PARVB: variants seen among roughly 807,000 people sequenced by gnomAD.
The protein encoded by PARVB is beta-parvin.
Under a neutral mutation model 47.0 loss-of-function variants are expected in PARVB, and 46 were observed. The observed-to-expected ratio is 0.98, with a 90% CI of 0.77 to 1.25. The LOEUF is 1.25. Ranked by LOEUF, PARVB falls within the 50% of genes most tolerant of loss-of-function variation. PARVB has a pLI of 0.00. For synonymous variants in PARVB, 196 were observed against 196.3 expected, an observed-to-expected ratio of 1.00 and a Z score of 0.01; for missense variants, 473 against 471.6, an observed-to-expected ratio of 1.00 and a Z score of -0.03.
At chr22:44,099,642 C>T (rs1283879257) in intron 2 of PARVB, among the ~76,000 whole-genome samples, 2 of 152,082 alleles carry the variant, frequency 1.3e-5, no homozygotes, top group Non-Finnish European at 2.9e-5. Context: ...TTCATTATAA[C>T]CATCCAGACT....
chr22:44,056,197 G>A (rs531286469), intron 1 of PARVB, among the ~76,000 whole-genome samples: 2 of 152,366 alleles, frequency 1.3e-5, no homozygotes, highest in African/African-American at 4.8e-5. Flanking sequence ...TTGGGGCACA[G>A]CCCCATTTAC....
At chr22:44,033,282 TC>T (rs569602466) in intron 1 of PARVB, among the ~76,000 whole-genome samples, 1 of 152,152 alleles carries the variant, frequency 6.6e-6, no homozygotes, top group Non-Finnish European at 1.5e-5. Context: ...CCTCAACTGA[TC>T]CGCCCACCTC....
At chr22:44,158,414 G>T (rs893324854) in intron 11 of PARVB, among the ~76,000 whole-genome samples, 1 of 152,160 alleles carries the variant, frequency 6.6e-6, no homozygotes, top group African/African-American at 2.4e-5. Context: ...GGTTTTCCCT[G>T]CTGCTTCCCA....
intron 12 of PARVB, among the ~76,000 whole-genome samples, chr22:44,164,370 A>G (rs2054118741): frequency 6.6e-6 from 1 of 151,752 alleles, no homozygotes; most frequent in African/African-American, 2.4e-5. Flanking sequence ...AGCTGGAGGC[A>G]GGAGGCCAGC....
intron 10 of PARVB, among the ~76,000 whole-genome samples, chr22:44,154,870 T>G (rs1047414898): frequency 1.3e-5 from 2 of 148,524 alleles, no homozygotes; most frequent in African/African-American, 5.0e-5. Flanking sequence ...GGTGGGGGTG[T>G]GTGTGTGTGG....
At chr22:44,042,526 C>T (rs531470179) in intron 1 of PARVB, among the ~76,000 whole-genome samples, 10 of 152,328 alleles carry the variant, frequency 6.6e-5, no homozygotes, top group African/African-American at 1.9e-4. Context: ...CGAGAAGACA[C>T]GCCACCCTGG....
At chr22:44,129,727 G>A (rs2053268959) in intron 4 of PARVB, among the ~76,000 whole-genome samples, 1 of 152,216 alleles carries the variant, frequency 6.6e-6, no homozygotes, top group Non-Finnish European at 1.5e-5. Context: ...GAATAAGCGG[G>A]AATCGTTTCC....
At chr22:44,122,063 TATAA>T (rs1251617654) in intron 4 of PARVB, among the ~76,000 whole-genome samples, 1 of 152,276 alleles carries the variant, frequency 6.6e-6, no homozygotes, top group Non-Finnish European at 1.5e-5. Flanking sequence ...CCATTTAATG[TATAA>T]ATAAATTAAT....
At chr22:44,168,454 C>A in intron 12 of PARVB, 148 bp from the exon 13 acceptor site, 2 of 642,650 alleles carry the variant, frequency 3.1e-6, no homozygotes, top group Non-Finnish European at 5.7e-6. Context: ...CCAGAGCGTC[C>A]TGGACATGGT....
intron 4 of PARVB, among the ~76,000 whole-genome samples, chr22:44,127,671 A>C (rs918108791): frequency 4.6e-5 from 7 of 152,216 alleles, no homozygotes; most frequent in African/African-American, 1.7e-4. Flanking sequence ...TGCATTCAGG[A>C]AGGGTAAAGG....
chr22:44,122,488 A>AGAGAGAG (rs2053069849), intron 4 of PARVB, among the ~76,000 whole-genome samples: 8 of 76,674 alleles, frequency 1.0e-4, no homozygotes, highest in African/African-American at 3.0e-4. Context: ...CCTGTCGATC[A>AGAGAGAG]AGAGAGAGAG....
chr22:44,099,469 G>A (rs1370196232), intron 2 of PARVB, among the ~76,000 whole-genome samples: 1 of 151,986 alleles, frequency 6.6e-6, no homozygotes, highest in East Asian at 1.9e-4. Context: ...CAAACAGGTA[G>A]AGAAATAGAA....
At chr22:44,154,479 G>T (rs1176566861) in intron 10 of PARVB, among the ~76,000 whole-genome samples, 3 of 151,906 alleles carry the variant, frequency 2.0e-5, no homozygotes, top group Non-Finnish European at 4.4e-5. Context: ...TGGTATGTGT[G>T]GTTTATGCAG....
At chr22:44,165,448 G>A (rs550476285) in intron 12 of PARVB, among the ~76,000 whole-genome samples, 13 of 152,304 alleles carry the variant, frequency 8.5e-5, no homozygotes, top group South Asian at 4.1e-4. Flanking sequence ...TGTAGATACC[G>A]GCCCGGCCTG....
intron 1 of PARVB, among the ~76,000 whole-genome samples, chr22:44,085,603 C>T (rs1038334882): frequency 2.0e-5 from 3 of 152,182 alleles, no homozygotes; most frequent in African/African-American, 7.2e-5. Flanking sequence ...TGCAGCTGGC[C>T]CAACCTGCTT....
In PARVB at chr22:44,136,484, A is replaced by G. The variant is rs779357780; in HGVS notation, c.658A>G (p.Ser220Gly). 2 of 1,613,896 alleles carry G rather than the reference A, an allele frequency of 1.2e-6. No individual in the cohort carries two copies. Among genetic ancestry groups the G allele is most frequent in the Non-Finnish European group, 1.7e-6 (2 of 1,179,936 alleles). The change falls in exon 7 of 13, where the codon AGC (serine) becomes GGC (glycine). Residue 220 changes from serine (S) to glycine (G), a missense_variant. Ser to Gly is a moderately conservative substitution (Grantham distance 56). Transcript: ENST00000338758. ...VRKREGLLHS[S>G]HISEELTTTT... is the part of the protein sequence containing the mutation. ...GAAACGGGAAGGCCTGCTGCATTCC[A>G]GCCACATCTCGGAGGAGCTGACCAC...
At chr22:44,058,980 T>A (rs1569082853) in intron 1 of PARVB, among the ~76,000 whole-genome samples, 1 of 146,904 alleles carries the variant, frequency 6.8e-6, no homozygotes. Flanking sequence ...GAGGGTGTGA[T>A]GGGGGGGGGA....
chr22:44,124,803 G>A lies in PARVB; in HGVS notation c.376+5663G>A, dbSNP rs185315675. ...GGGTGGGATCATGTTTTTCTCCGCT[G>A]TTGTGACAGAGGAGTATCTGCTGCA... is the stretch of plus-strand genomic sequence containing the variant. On this transcript the variant is annotated intron_variant, in intron 4 of 12. Coordinates refer to ENST00000338758, the MANE Select transcript of PARVB (RefSeq NM_013327.5). 5.4e-4 allele frequency among the ~76,000 whole-genome samples: 82 copies of A among 152,330 alleles called. 2 individuals are homozygous for A. In the East Asian group the frequency reaches 0.013, roughly 23 times the overall value.
At chr22:44,140,276 T>A (rs1185499310) in intron 8 of PARVB, 133 bp downstream of exon 8, 2 of 925,632 alleles carry the variant, frequency 2.2e-6, no homozygotes, top group African/African-American at 3.2e-5. Context: ...AGTTCTGGAA[T>A]CCTAGAGAAA....
Sources: gnomAD v4.1 joint callset for allele counts (sites outside exome capture counted in the v4.1 genomes callset) on GRCh38, gnomAD v4.1.1 for gene constraint, MANE v1.5 for transcripts, NCBI Gene and HGNC (gene_info 2026-07-23, HGNC 2026-07-21) for gene names.